Variants in CCDC57 observed in about 807,000 individuals in gnomAD.
CCDC57 encodes the protein coiled-coil domain-containing protein 57.
Under a neutral mutation model 118.9 loss-of-function variants are expected in CCDC57, and 118 were observed. That is an observed-to-expected ratio of 0.99 (90% CI 0.86 to 1.16). CCDC57 has a LOEUF of 1.16. Ranked by LOEUF, CCDC57 falls within the 50% of genes most tolerant of loss-of-function variation. The pLI, the probability that CCDC57 is intolerant of heterozygous loss-of-function variation, is 0.00. For missense variants in CCDC57, 1,300 were observed against 1,320.7 expected, an observed-to-expected ratio of 0.98 and a Z score of 0.24; for synonymous variants, 527 against 532.9, an observed-to-expected ratio of 0.99 and a Z score of 0.15.
At chr17:82,193,896 G>A in intron 6 of CCDC57, 66 bp from the exon 6 acceptor site, 4 of 1,568,148 alleles carry the variant, frequency 2.6e-6, no homozygotes, top group Non-Finnish European at 3.5e-6. Flanking sequence ...CCTGGAATGA[G>A]CAGAAAAGGT....
At chr17:82,205,834 C>T (rs1428158318) in intron 2 of CCDC57, among the ~76,000 whole-genome samples, 1 of 152,200 alleles carries the variant, frequency 6.6e-6, no homozygotes, top group Non-Finnish European at 1.5e-5. Flanking sequence ...CACTCAGGAC[C>T]CATAAGAAGC....
intron 16 of CCDC57, among the ~76,000 whole-genome samples, chr17:82,147,635 G>GAATA (rs2040965430): frequency 7.0e-6 from 1 of 142,106 alleles, no homozygotes; most frequent in Admixed American, 7.0e-5. Flanking sequence ...GCGGGTGGGT[G>GAATA]GATGGATGGG....
At chr17:82,103,383 C>T (rs988211130) in intron 19 of CCDC57, among the ~76,000 whole-genome samples, 1 of 152,118 alleles carries the variant, frequency 6.6e-6, no homozygotes, top group Non-Finnish European at 1.5e-5. Context: ...CAGAGGAATT[C>T]CTCCTCTTCA....
At chr17:82,175,708 C>G (rs561938482) in intron 11 of CCDC57, 3 of 152,224 alleles carry the variant, frequency 2.0e-5, no homozygotes, top group East Asian at 1.9e-4. Context: ...CCTCGGAACA[C>G]GTCGTCAGGA....
intron 16 of CCDC57, among the ~76,000 whole-genome samples, chr17:82,137,822 C>T (rs886883261): frequency 3.3e-5 from 5 of 151,146 alleles, no homozygotes; most frequent in Non-Finnish European, 5.9e-5. Flanking sequence ...TACAGGCACC[C>T]GCCACCATGC....
rs1004569109 is a variant in CCDC57, at chr17:82,121,675, T to C, written c.2899+6017A>G. Among the ~76,000 whole-genome samples the C allele has an allele frequency of 3.9e-5, 6 of 152,316 alleles. No homozygotes were observed. The East Asian group carries it at 1.2e-3, about 29-fold the overall frequency. On this transcript the variant is annotated intron_variant, in intron 19 of 19. Transcript: ENST00000665763. Reference sequence around the variant, plus strand: ...TCCCAGAGGGGCCACCTGAGGCCCGTTGACCTGGGACTGAGGGCTCCGATG... The same window carrying C: ...TCCCAGAGGGGCCACCTGAGGCCCGCTGACCTGGGACTGAGGGCTCCGATG...
chr17:82,205,387 T>G (rs1394317646), intron 2 of CCDC57, among the ~76,000 whole-genome samples: 1 of 152,162 alleles, frequency 6.6e-6, no homozygotes, highest in East Asian at 1.9e-4. Flanking sequence ...GAGAATCTGA[T>G]CATGCAATCT....
exon 2 of CCDC57, chr17:82,208,015 T>C (rs191140025): frequency 5.3e-4 from 80 of 152,182 alleles, no homozygotes; most frequent in African/African-American, 1.9e-3. Flanking sequence ...GGTATCAGAG[T>C]AGAGGAAAAA....
intron 16 of CCDC57, among the ~76,000 whole-genome samples, chr17:82,141,776 C>CG (rs1212279065): frequency 6.6e-6 from 1 of 151,962 alleles, no homozygotes; most frequent in East Asian, 1.9e-4. Flanking sequence ...GTCTGATGCC[C>CG]GGGGAAAAAA....
chr17:82,103,787 G>A (rs2034640494), intron 19 of CCDC57, among the ~76,000 whole-genome samples: 2 of 152,154 alleles, frequency 1.3e-5, no homozygotes, highest in Non-Finnish European at 2.9e-5. Context: ...CTGTATCCCG[G>A]GGCGAAGCAG....
chr17:82,151,671 G>T, exon 16 of CCDC57: 2 of 1,550,434 alleles, frequency 1.3e-6, no homozygotes, highest in Non-Finnish European at 1.7e-6. Context: ...TTTCTCTGGA[G>T]TCGGTGCATA....
intron 16 of CCDC57, among the ~76,000 whole-genome samples, chr17:82,145,216 AC>A (rs1389225377): frequency 2.0e-5 from 2 of 100,506 alleles, no homozygotes; most frequent in African/African-American, 3.6e-5. Flanking sequence ...TTTAGTAGAG[AC>A]GGGGTTTCAT....
At chr17:82,112,644 C>A in intron 19 of CCDC57, 1 of 152,424 alleles carries the variant, frequency 6.6e-6, no homozygotes, top group Non-Finnish European at 1.5e-5. Flanking sequence ...TCCCCAGACC[C>A]TAGTGCAGTC....
intron 7 of CCDC57, among the ~76,000 whole-genome samples, chr17:82,191,894 C>T (rs148770617): frequency 1.6e-3 from 240 of 152,072 alleles, no homozygotes; most frequent in African/African-American, 5.2e-3. Flanking sequence ...TCTTGAACTC[C>T]AGAGCTGAAG....
In CCDC57 at chr17:82,146,843, GCA is replaced by G. The variant is rs553653062; in HGVS notation, c.2455+4715_2455+4716del. Among the ~76,000 whole-genome samples the G allele has an allele frequency of 4.8e-3, 731 of 152,210 alleles. 5 individuals are homozygous for G. Among genetic ancestry groups the G allele is most frequent in the African/African-American group, 0.016 (674 of 41,516 alleles). On this transcript the variant is annotated intron_variant, in intron 16 of 19. Transcript: ENST00000665763. Reference sequence around the variant, plus strand: ...CACAGTCTCACATACAAACGCACATGCACAGTCTTGCACACAAACGCTTGTGC... The same window carrying G: ...CACAGTCTCACATACAAACGCACATGCAGTCTTGCACACAAACGCTTGTGC...
At chr17:82,129,432 G>A (rs1298784959) in intron 17 of CCDC57, among the ~76,000 whole-genome samples, 1 of 152,232 alleles carries the variant, frequency 6.6e-6, no homozygotes, top group Non-Finnish European at 1.5e-5. Context: ...GGCCTGCAAG[G>A]AGGCTGTGGA....
intron 18 of CCDC57, among the ~76,000 whole-genome samples, chr17:82,128,115 G>A (rs1327529751): frequency 6.6e-6 from 1 of 152,188 alleles, no homozygotes; most frequent in Non-Finnish European, 1.5e-5. Context: ...AACGCTGAGT[G>A]TGGGCAGGGC....
Position 82,106,703 on chromosome 17 carries a change from G to A in CCDC57, c.2900-4837C>T, listed in dbSNP as rs529873021. On this transcript the variant is annotated intron_variant, in intron 19 of 19. Transcript: ENST00000665763. ...CTAAAGTGAGGAATGCTGGCCTCATGCCCCTTGGGCCAGGACTCTGCACTG... is the reference window on the plus strand; with the variant it reads ...CTAAAGTGAGGAATGCTGGCCTCATACCCCTTGGGCCAGGACTCTGCACTG... 3 of 152,546 alleles carry A rather than the reference G, an allele frequency of 2.0e-5. No homozygotes were observed. In the South Asian group the frequency reaches 6.2e-4, roughly 31 times the overall value. 9.4% of individuals were successfully genotyped at this position (152,546 alleles called of 1,614,324 possible).
chr17:82,205,811 G>A (rs1355701222), intron 2 of CCDC57, among the ~76,000 whole-genome samples: 1 of 152,128 alleles, frequency 6.6e-6, no homozygotes, highest in East Asian at 1.9e-4. Flanking sequence ...CATCTCCAGC[G>A]CTTTATCCAT....
Sources: gnomAD v4.1 joint callset for allele counts (sites outside exome capture counted in the v4.1 genomes callset) on GRCh38, gnomAD v4.1.1 for gene constraint, MANE v1.5 for transcripts, NCBI Gene and HGNC (gene_info 2026-07-23, HGNC 2026-07-21) for gene names.